The following SYNPO variants were observed in gnomAD, a reference collection of about 807,000 sequenced individuals.
SYNPO encodes the protein synaptopodin.
In SYNPO, 19 loss-of-function variants were observed where a neutral mutation model predicts 49.5. The observed-to-expected ratio is 0.38, with a 90% CI of 0.27 to 0.56. SYNPO has a LOEUF of 0.56. SYNPO is among the 20% of genes least tolerant of loss of function. The pLI, the probability that SYNPO is intolerant of heterozygous loss-of-function variation, is 0.68. For synonymous variants in SYNPO, 536 were observed against 548.0 expected, an observed-to-expected ratio of 0.98 and a Z score of 0.31; for missense variants, 1,131 against 1,248.3, an observed-to-expected ratio of 0.91 and a Z score of 1.42.
intron 2 of SYNPO, chr5:150,624,740 T>C (rs1418558134): frequency 1.5e-6 from 1 of 683,942 alleles, no homozygotes; most frequent in African/African-American, 2.0e-5. Flanking sequence ...AGCAGCCCGC[T>C]AGGCGGTGGC....
intron 2 of SYNPO, among the ~76,000 whole-genome samples, chr5:150,634,808 A>G (rs528687307): frequency 6.6e-6 from 1 of 150,624 alleles, no homozygotes; most frequent in Non-Finnish European, 1.5e-5. Context: ...CCTGGGTGAC[A>G]GAGTGAGACC....
chr5:150,590,309 C>T, the SYNPO span, among the ~76,000 whole-genome samples: 1 of 152,198 alleles, frequency 6.6e-6, no homozygotes, highest in Non-Finnish European at 1.5e-5. Context: ...GACCATAGGC[C>T]CCTGGAGGGG....
In SYNPO at chr5:150,649,575, C is replaced by A; in HGVS notation, c.1300C>A (p.Pro434Thr). The A allele has an allele frequency of 6.2e-7, 1 of 1,610,406 alleles. No individual in the cohort carries two copies. Among genetic ancestry groups the A allele is most frequent in the Non-Finnish European group, 8.5e-7 (1 of 1,178,668 alleles). Reference protein sequence around the residue: ...GAEASNFQQEPAPRDRASPAA... With the variant: ...GAEASNFQQETAPRDRASPAA... ...CGAGGCCTCCAACTTCCAGCAGGAGCCAGCACCTCGTGACAGGGCCAGCCC... is the reference window on the plus strand; with the variant it reads ...CGAGGCCTCCAACTTCCAGCAGGAGACAGCACCTCGTGACAGGGCCAGCCC... Residue 434 changes from proline to threonine, a missense_variant, in exon 2 of 3, where the codon CCA becomes ACA. This residue lies in a region of SYNPO where 602 missense variants were observed against 720.7 expected (regional missense o/e 0.84). Coordinates refer to ENST00000307662, the MANE Select transcript of SYNPO (RefSeq NM_007286.6).
chr5:150,586,530 G>T, the SYNPO span, among the ~76,000 whole-genome samples: 2 of 152,014 alleles, frequency 1.3e-5, no homozygotes, highest in African/African-American at 4.8e-5. Flanking sequence ...GGGTAGGTAG[G>T]TGGATAAATA....
At chr5:150,621,233 G>A (rs953795436) in intron 2 of SYNPO, among the ~76,000 whole-genome samples, 1 of 152,170 alleles carries the variant, frequency 6.6e-6, no homozygotes, top group African/African-American at 2.4e-5. Flanking sequence ...GATTATAGGC[G>A]TGAGCCACCG....
At chr5:150,628,067 G>GTGTGTGTGTGT (rs1561643388) in intron 2 of SYNPO, among the ~76,000 whole-genome samples, 13 of 126,784 alleles carry the variant, frequency 1.0e-4, no homozygotes, top group African/African-American at 3.8e-4. Flanking sequence ...TGTGTGTGTG[G>GTGTGTGTGTGT]TCAGAGTCTT....
intron 2 of SYNPO, chr5:150,650,524 C>G: frequency 6.8e-7 from 1 of 1,474,490 alleles, no homozygotes; most frequent in Admixed American, 2.4e-5. Flanking sequence ...TGAAGCCGCC[C>G]CTCCCCTACT....
chr5:150,612,803 A>T (rs904794993), intron 1 of SYNPO, among the ~76,000 whole-genome samples: 1 of 152,066 alleles, frequency 6.6e-6, no homozygotes, highest in Non-Finnish European at 1.5e-5. Context: ...TTTCTGAGAC[A>T]GGGTCTCACT....
chr5:150,608,151 G>T lies in SYNPO; in HGVS notation c.-266+6963G>T, dbSNP rs115909618. Among the ~76,000 whole-genome samples the T allele has an allele frequency of 5.0e-3, 763 of 152,370 alleles. 9 individuals are homozygous for T. Among genetic ancestry groups the T allele is most frequent in the African/African-American group, 0.018 (730 of 41,576 alleles). ...TTATTTTTATCACTGGTTGTTGTTG[G>T]TGGTGGTCCAGGAAGAAGCTGGACT... On this transcript the variant is annotated intron_variant, in intron 1 of 2. Transcript: ENST00000394243.
intron 1 of SYNPO, among the ~76,000 whole-genome samples, chr5:150,642,332 T>A (rs1245269732): frequency 1.3e-5 from 2 of 152,224 alleles, no homozygotes; most frequent in African/African-American, 4.8e-5. Flanking sequence ...CTTGAAGGCC[T>A]ATCTTCAGGG....
Position 150,657,040 on chromosome 5 carries a change from C to A in SYNPO, c.2665C>A (p.Arg889=). The change falls in exon 3 of 3, where the codon CGG becomes AGG. Residue 889 remains arginine (R), a synonymous_variant. Coordinates refer to ENST00000307662, the MANE Select transcript of SYNPO (RefSeq NM_007286.6). ...ICPRGWNGSL[R]LKRGSLPAEA... ...TCCCCGCGGGTGGAATGGCAGCCTT[C>A]GGCTCAAGCGTGGCAGCCTCCCCGC... 1 of 1,601,372 alleles carries A rather than the reference C, an allele frequency of 6.2e-7. No homozygotes were observed. Among genetic ancestry groups the A allele is most frequent in the Non-Finnish European group, 8.5e-7 (1 of 1,175,136 alleles).
chr5:150,595,090 T>C, the SYNPO span, among the ~76,000 whole-genome samples: 232 of 152,344 alleles, frequency 1.5e-3, no homozygotes, highest in African/African-American at 5.2e-3. Flanking sequence ...CCCGTGCTGT[T>C]GCAAGACTTC....
upstream of SYNPO, among the ~76,000 whole-genome samples, chr5:150,596,104 C>G (rs1425335876): frequency 3.9e-5 from 6 of 152,232 alleles, no homozygotes. Flanking sequence ...AAACACAGCT[C>G]TCTATAGTTT....
Position 150,649,058 on chromosome 5 carries a change from G to C in SYNPO, c.783G>C (p.Glu261Asp), listed in dbSNP as rs144793851. ...TSQMERSPML[E>D]RRHFGEKAPA... Reference sequence around the variant, plus strand: ...AGATGGAGAGGAGCCCCATGCTAGAGAGACGACATTTTGGGGAGAAGGCCC... The same window carrying C: ...AGATGGAGAGGAGCCCCATGCTAGACAGACGACATTTTGGGGAGAAGGCCC... The change falls in exon 2 of 3, where the codon GAG becomes GAC. Residue 261 changes from glutamate to aspartate, a missense_variant. Transcript: ENST00000307662. 2.2e-4 allele frequency: 348 copies of C among 1,614,090 alleles called. No homozygotes were observed. The highest frequency in any genetic ancestry group is 2.8e-4 in the Non-Finnish European group (334 of 1,179,946).
intron 2 of SYNPO, chr5:150,651,888 G>A (rs897940296): frequency 1.3e-5 from 13 of 1,000,346 alleles, no homozygotes; most frequent in South Asian, 4.7e-5. Context: ...CAGGCTTTGT[G>A]GGGGGTGAGA....
upstream of SYNPO, among the ~76,000 whole-genome samples, chr5:150,597,588 C>G (rs900226560): frequency 6.6e-6 from 1 of 152,170 alleles, no homozygotes; most frequent in African/African-American, 2.4e-5. Flanking sequence ...CCCACCTCGG[C>G]CTCCCAAAGA....
intron 1 of SYNPO, among the ~76,000 whole-genome samples, chr5:150,603,317 TG>T (rs1756601857): frequency 6.6e-6 from 1 of 152,212 alleles, no homozygotes; most frequent in Non-Finnish European, 1.5e-5. Context: ...GCGTTTTATC[TG>T]CCAGCCCAGG....
chr5:150,618,314 C>T, exon 2 of SYNPO: 1 of 1,508,614 alleles, frequency 6.6e-7, no homozygotes, highest in Non-Finnish European at 8.9e-7. Flanking sequence ...CAGCCCAGGC[C>T]CTGGCCCAGG....
the SYNPO span, among the ~76,000 whole-genome samples, chr5:150,592,931 G>A: frequency 6.6e-6 from 1 of 152,158 alleles, no homozygotes; most frequent in African/African-American, 2.4e-5. Flanking sequence ...CACCTACCAA[G>A]GTATGTCTTT....
Sources: gnomAD v4.1 joint callset for allele counts (sites outside exome capture counted in the v4.1 genomes callset) on GRCh38, gnomAD v4.1.1 for gene constraint, gnomAD v4.1.1 regional missense constraint, MANE v1.5 for transcripts, NCBI Gene and HGNC (gene_info 2026-07-23, HGNC 2026-07-21) for gene names.